The following CRACR2A variants were observed in gnomAD, a reference collection of about 807,000 sequenced individuals.
CRACR2A encodes the protein EF-hand calcium-binding domain-containing protein 4B.
A neutral mutation model predicts 90.5 loss-of-function variants in CRACR2A; 79 were observed. The ratio of observed to expected loss-of-function variants is 0.87; its 90% CI spans 0.73 to 1.05. CRACR2A has a LOEUF of 1.05. CRACR2A is among the 50% of genes least tolerant of loss of function. The probability of loss-of-function intolerance (pLI) is 0.00; values close to 1 mark genes in which losing one functional copy is unlikely to be tolerated. For synonymous variants in CRACR2A, 338 were observed against 356.7 expected, an observed-to-expected ratio of 0.95 and a Z score of 0.59; for missense variants, 823 against 897.2, an observed-to-expected ratio of 0.92 and a Z score of 1.06.
intron 15 of CRACR2A, among the ~76,000 whole-genome samples, chr12:3,629,736 A>G (rs574186304): frequency 3.3e-5 from 5 of 150,662 alleles, no homozygotes; most frequent in Non-Finnish European, 7.4e-5. Context: ...GCTTGGTGAG[A>G]CTCCCTGCTG....
intron 1 of CRACR2A, among the ~76,000 whole-genome samples, chr12:3,742,068 G>C (rs1164417522): frequency 6.6e-6 from 1 of 152,230 alleles, no homozygotes; most frequent in African/African-American, 2.4e-5. Context: ...ATGCACATCT[G>C]AGGTTAGGAC....
intron 17 of CRACR2A, among the ~76,000 whole-genome samples, chr12:3,626,365 A>T (rs1260718208): frequency 6.6e-6 from 1 of 152,254 alleles, no homozygotes; most frequent in Non-Finnish European, 1.5e-5. Flanking sequence ...CATGCAAAGC[A>T]TCCAGGTTAT....
At chr12:3,697,082 T>A in intron 3 of CRACR2A, 47 bp from the exon 4 acceptor site, 1 of 1,506,250 alleles carries the variant, frequency 6.6e-7, no homozygotes, top group East Asian at 2.5e-5. Flanking sequence ...TGGGTTGGAG[T>A]GAGGCTGAAA....
At chr12:3,671,025 A>G (rs115928723) in intron 7 of CRACR2A, among the ~76,000 whole-genome samples, 219 of 152,284 alleles carry the variant, frequency 1.4e-3, no homozygotes, top group African/African-American at 4.5e-3. Context: ...GAGTGGCTTG[A>G]CTTTTATCTC....
intron 1 of CRACR2A, among the ~76,000 whole-genome samples, chr12:3,744,508 CTG>C (rs1420757500): frequency 6.6e-6 from 1 of 152,168 alleles, no homozygotes. Context: ...TGAAATTACA[CTG>C]CCTCGGGTAT....
At chr12:3,747,860 A>T (rs1035795056) in intron 1 of CRACR2A, among the ~76,000 whole-genome samples, 1 of 152,148 alleles carries the variant, frequency 6.6e-6, no homozygotes, top group Non-Finnish European at 1.5e-5. Context: ...CCAGAAGGGC[A>T]CAGAGCTCCA....
chr12:3,720,386 GGA>G (rs1173476663), intron 2 of CRACR2A, among the ~76,000 whole-genome samples: 1,308 of 118,676 alleles, frequency 0.011, 14 homozygotes, highest in Non-Finnish European at 0.014. Context: ...GAAGGAAGGG[GGA>G]GGGGGGGAGG....
rs569617918 is a variant in CRACR2A at position 3,736,136 on chromosome 12, T to C, written c.-386-2926A>G. 2.0e-5 allele frequency among the ~76,000 whole-genome samples: 3 copies of C among 151,642 alleles called. No homozygotes were observed. The South Asian group carries it at 6.3e-4, about 32-fold the overall frequency. On this transcript the variant is annotated intron_variant, in intron 1 of 19. Transcript: ENST00000440314. The stretch of plus-strand genomic sequence containing the variant: ...TCTGGCATGAGTGCTAGTAATAGAC[T>C]AGATGGGGAAGAAGATGGAAGGAGG...
At chr12:3,674,215 C>T (rs1001950684) in intron 6 of CRACR2A, among the ~76,000 whole-genome samples, 3 of 152,146 alleles carry the variant, frequency 2.0e-5, no homozygotes, top group Admixed American at 6.5e-5. Context: ...ATATGCAGCA[C>T]CCCACTGTGG....
chr12:3,628,999 G>C (rs1234063610), intron 15 of CRACR2A, among the ~76,000 whole-genome samples: 1 of 152,198 alleles, frequency 6.6e-6, no homozygotes, highest in South Asian at 2.1e-4. Flanking sequence ...GAGGGCCAGA[G>C]AGGAGTGCAA....
chr12:3,621,799 A>G, intron 17 of CRACR2A, among the ~76,000 whole-genome samples: 1 of 151,888 alleles, frequency 6.6e-6, no homozygotes, highest in Non-Finnish European at 1.5e-5. Context: ...TTCCTCTCTT[A>G]CACAGCCACT....
At chr12:3,647,149 T>G (rs113599437) in intron 11 of CRACR2A, among the ~76,000 whole-genome samples, 14,885 of 150,810 alleles carry the variant, frequency 0.099, 1,032 homozygotes, top group Non-Finnish European at 0.15. Flanking sequence ...TTGTCCTGAT[T>G]CCACCACCGT....
chr12:3,653,232 T>C (rs1423612995), intron 10 of CRACR2A, among the ~76,000 whole-genome samples: 1 of 149,264 alleles, frequency 6.7e-6, no homozygotes, highest in Non-Finnish European at 1.5e-5. Context: ...CTGCCCACCT[T>C]GGCCTCCCAA....
At chr12:3,659,147 A>G (rs1277050881) in intron 8 of CRACR2A, among the ~76,000 whole-genome samples, 1 of 152,214 alleles carries the variant, frequency 6.6e-6, no homozygotes, top group Non-Finnish European at 1.5e-5. Context: ...TGCATTTGCC[A>G]TATAAATCTA....
chr12:3,615,966 A>G (rs1364888181), intron 19 of CRACR2A, among the ~76,000 whole-genome samples: 1 of 152,276 alleles, frequency 6.6e-6, no homozygotes, highest in African/African-American at 2.4e-5. Flanking sequence ...GAGGTGAGGA[A>G]TTAAAAATAA....
chr12:3,713,357 AC>A (rs1226314733), intron 2 of CRACR2A, 40 bp from the exon 3 acceptor site: 22 of 962,972 alleles, frequency 2.3e-5, no homozygotes, highest in Non-Finnish European at 2.2e-5. Flanking sequence ...CTTATTTTCC[AC>A]TGAGGGTTAC....
In CRACR2A at chr12:3,678,957, C is replaced by T. The variant is rs373046676; in HGVS notation, c.482G>A (p.Arg161Gln). 16 of 1,613,146 alleles carry T rather than the reference C, an allele frequency of 9.9e-6. No individual in the cohort carries two copies. The highest frequency in any genetic ancestry group is 2.2e-5 in the South Asian group (2 of 90,858). Residue 161 changes from arginine (R) to glutamine (Q), a missense_variant, in exon 6 of 20, where the codon CGG becomes CAG. Arg to Gln is a conservative substitution (Grantham distance 43). Transcript: ENST00000440314. ...DMGEDEEAQF[R>Q]MLMDRLGAQK... is the part of the protein sequence containing the mutation. ...GGCTCCAAGTCTGTCCATCAGCATC[C>T]GGAACTGGGCTTCCTCATCTTCGCC...
chr12:3,658,988 C>T (rs1219063423), intron 8 of CRACR2A, among the ~76,000 whole-genome samples: 1 of 152,080 alleles, frequency 6.6e-6, no homozygotes, highest in Admixed American at 6.5e-5. Context: ...CCACTTCCTC[C>T]GTGGTATCTG....
At chr12:3,675,600 C>T (rs1945322328) in intron 6 of CRACR2A, among the ~76,000 whole-genome samples, 1 of 152,072 alleles carries the variant, frequency 6.6e-6, no homozygotes, top group Non-Finnish European at 1.5e-5. Flanking sequence ...AAATAATACC[C>T]CTGGAGAACC....
Sources: allele counts gnomAD v4.1 joint callset (sites outside exome capture counted in the v4.1 genomes callset), GRCh38; gene constraint gnomAD v4.1.1; transcripts MANE v1.5; gene names NCBI Gene and HGNC (gene_info 2026-07-23, HGNC 2026-07-21).